The following PDCD1LG2 variants were observed in gnomAD, a reference collection of about 807,000 sequenced individuals.
The protein encoded by PDCD1LG2 is B7 dendritic cell molecule.
Under a neutral mutation model 28.2 loss-of-function variants are expected in PDCD1LG2, and 32 were observed. The ratio of observed to expected loss-of-function variants is 1.13; its 90% CI spans 0.86 to 1.52. The LOEUF (loss-of-function observed/expected upper bound fraction) is 1.52. PDCD1LG2 is among the 40% of genes most tolerant of loss of function. PDCD1LG2 has a pLI of 0.00. For missense variants in PDCD1LG2, 385 were observed against 323.8 expected (o/e 1.19, Z -1.45); for synonymous variants, 116 against 120.2 (o/e 0.97, Z 0.23).
At chr9:5,567,602 T>C (rs1816690968) in intron 6 of PDCD1LG2, among the ~76,000 whole-genome samples, 1 of 152,232 alleles carries the variant, frequency 6.6e-6, no homozygotes, top group Admixed American at 6.5e-5. Flanking sequence ...ATTTCACAGA[T>C]TATGACATTG....
Position 5,570,131 on chromosome 9 carries a change from T to C in PDCD1LG2, c.*172T>C, listed in dbSNP as rs993794326. ...AACAAGACTAGCCAACACCTGGCCA[T>C]GAAACTTGCCCCTTCACTGATCTGG... On this transcript the variant is annotated 3_prime_UTR_variant, in exon 7 of 7. Transcript: ENST00000397747. 16 of 822,306 alleles carry C rather than the reference T, an allele frequency of 1.9e-5. No homozygotes were observed. In the African/African-American group the frequency reaches 2.7e-4, roughly 14 times the overall value. 50.9% of individuals were successfully genotyped at this position (822,306 alleles called of 1,614,324 possible). A position where few individuals can be genotyped will look rare whatever the true frequency, so the allele number is the denominator to read the frequency against.
intron 5 of PDCD1LG2, among the ~76,000 whole-genome samples, chr9:5,559,109 T>C (rs762560005): frequency 6.6e-6 from 1 of 152,154 alleles, no homozygotes; most frequent in African/African-American, 2.4e-5. Context: ...CAGCTGTCTT[T>C]GGGAGAATGG....
chr9:5,538,813 T>G (rs1260533538), intron 3 of PDCD1LG2, among the ~76,000 whole-genome samples: 1 of 151,744 alleles, frequency 6.6e-6, no homozygotes, highest in Non-Finnish European at 1.5e-5. Context: ...TTGAGATCAT[T>G]TTTTTGGGTA....
At chr9:5,557,904 C>T in intron 5 of PDCD1LG2, 152 bp downstream of exon 5, 1 of 1,002,042 alleles carries the variant, frequency 1.0e-6, no homozygotes, top group Non-Finnish European at 1.5e-6. Flanking sequence ...ATTATTTTTC[C>T]CCAGAAGAAA....
rs1273461675 is a variant in PDCD1LG2 at position 5,570,219 on chromosome 9, G to C, written c.*260G>C. The C allele has an allele frequency of 7.3e-6, 3 of 410,136 alleles. No homozygotes were observed. The highest frequency in any genetic ancestry group is 1.3e-5 in the Non-Finnish European group (3 of 227,628). The allele number at this position is 410,136 out of a possible 1,614,324, so 25.4% of individuals were successfully genotyped here. A position where few individuals can be genotyped will look rare whatever the true frequency, so the allele number is the denominator to read the frequency against. On this transcript the variant is annotated 3_prime_UTR_variant, in exon 7 of 7. Transcript: ENST00000397747. ...CTGCACTTTACAGAATTACCCCACT[G>C]GATCCTGGACCCACAGAATTCCTTC... is the stretch of plus-strand genomic sequence containing the variant.
intron 2 of PDCD1LG2, among the ~76,000 whole-genome samples, chr9:5,528,206 A>G (rs1183447092): frequency 6.7e-6 from 1 of 148,480 alleles, no homozygotes; most frequent in Non-Finnish European, 1.5e-5. Flanking sequence ...GATATTAAGT[A>G]TACATATATT....
intron 1 of PDCD1LG2, among the ~76,000 whole-genome samples, chr9:5,514,772 GAAAAAAAAAAAA>G (rs60002651): frequency 3.2e-5 from 2 of 62,382 alleles, no homozygotes; most frequent in African/African-American, 1.1e-4. Context: ...AGTCTCTAAA[GAAAAAAAAAAAA>G]AAAAAAAAAA....
At chr9:5,529,963 G>A (rs569498658) in intron 2 of PDCD1LG2, among the ~76,000 whole-genome samples, 1 of 152,234 alleles carries the variant, frequency 6.6e-6, no homozygotes, top group Non-Finnish European at 1.5e-5. Flanking sequence ...GAAGAATGTG[G>A]CTATGTAAAG....
At chr9:5,557,523 T>C in intron 4 of PDCD1LG2, 95 bp from the exon 5 acceptor site, 1 of 1,415,498 alleles carries the variant, frequency 7.1e-7, no homozygotes, top group Non-Finnish European at 9.9e-7. Context: ...TCCACAGAGC[T>C]AGCCGTGTTG....
At chr9:5,514,724 T>C (rs1469311967) in intron 1 of PDCD1LG2, among the ~76,000 whole-genome samples, 1 of 126,560 alleles carries the variant, frequency 7.9e-6, no homozygotes, top group Non-Finnish European at 1.5e-5. Context: ...CACCTGTGAA[T>C]AGCCACTACA....
intron 4 of PDCD1LG2, among the ~76,000 whole-genome samples, chr9:5,551,345 AGGACTTGTGT>A (rs1248275529): frequency 2.6e-5 from 4 of 152,234 alleles, no homozygotes; most frequent in African/African-American, 9.6e-5. Flanking sequence ...GCCTATGATA[AGGACTTGTGT>A]GGCATGCAGG....
Position 5,569,624 on chromosome 9 carries a change from A to C in PDCD1LG2, c.817-330A>C, listed in dbSNP as rs1292798092. On this transcript the variant is annotated intron_variant, in intron 6 of 6. Coordinates refer to ENST00000397747, the MANE Select transcript of PDCD1LG2 (RefSeq NM_025239.4). This position sits in a 1 kb window ranked among gnomAD's most constrained non-coding sequence, Gnocchi z 4.1. ...GTGAATAATGAGTCTGCAGGAATTA[A>C]TAGAAATATCTGACACAATAGGGAA... is the stretch of plus-strand genomic sequence containing the variant. 6.6e-6 allele frequency among the ~76,000 whole-genome samples: 1 copy of C among 152,236 alleles called. No homozygotes were observed. Among genetic ancestry groups the C allele is most frequent in the Non-Finnish European group, 1.5e-5 (1 of 68,040 alleles).
chr9:5,517,149 G>C (rs1182932788), intron 1 of PDCD1LG2, among the ~76,000 whole-genome samples: 2 of 152,206 alleles, frequency 1.3e-5, no homozygotes, highest in Non-Finnish European at 2.9e-5. Context: ...TGACTGCTTT[G>C]GGGGAGAAAA....
At position 5,570,040 on chromosome 9, in the gene PDCD1LG2, G is replaced by A. The variant is rs895056193; in HGVS notation, c.*81G>A. On this transcript the variant is annotated 3_prime_UTR_variant, in exon 7 of 7. Transcript: ENST00000397747. ...ACTCTGAACAAGAATTCGGTGGCCT[G>A]CAGAGCTTGCCATTTGCACTTTTCA... 1 of 1,570,448 alleles carries A rather than the reference G, an allele frequency of 6.4e-7. No homozygotes were observed. Among genetic ancestry groups the A allele is most frequent in the Non-Finnish European group, 8.7e-7 (1 of 1,143,210 alleles).
chr9:5,548,403 A>G (rs1816255539), intron 3 of PDCD1LG2, among the ~76,000 whole-genome samples: 2 of 152,118 alleles, frequency 1.3e-5, no homozygotes, highest in Admixed American at 1.3e-4. Flanking sequence ...TTCTCTGTTG[A>G]TGGACATTTA....
intron 3 of PDCD1LG2, among the ~76,000 whole-genome samples, 193 bp from the exon 4 acceptor site, chr9:5,549,142 T>C (rs1816271345): frequency 6.6e-6 from 1 of 152,322 alleles, no homozygotes; most frequent in South Asian, 2.1e-4. Context: ...CTTTATTGCA[T>C]TGTAAGAATT....
intron 6 of PDCD1LG2, among the ~76,000 whole-genome samples, chr9:5,565,050 A>G (rs186931263): frequency 1.3e-5 from 2 of 152,380 alleles, no homozygotes; most frequent in African/African-American, 4.8e-5. Context: ...GTGAGGAAGA[A>G]AAACATGAAG....
At chr9:5,515,519 G>C (rs1820140114) in intron 1 of PDCD1LG2, among the ~76,000 whole-genome samples, 1 of 152,158 alleles carries the variant, frequency 6.6e-6, no homozygotes. Flanking sequence ...GCTTTCAGGA[G>C]ACCCAAAGTG....
chr9:5,533,229 C>T (rs1820516933), intron 2 of PDCD1LG2, among the ~76,000 whole-genome samples: 2 of 152,218 alleles, frequency 1.3e-5, no homozygotes, highest in Non-Finnish European at 2.9e-5. Flanking sequence ...TCCTATACCT[C>T]CATCATAATG....
Sources: allele counts gnomAD v4.1 joint callset (sites outside exome capture counted in the v4.1 genomes callset), GRCh38; gene constraint gnomAD v4.1.1; non-coding constraint Gnocchi (gnomAD v3.1); transcripts MANE v1.5; gene names NCBI Gene and HGNC (gene_info 2026-07-23, HGNC 2026-07-21).